The following TTN variants were observed in gnomAD, a reference collection of about 807,000 sequenced individuals.
TTN encodes the protein connectin.
TTN carries 1,525 observed loss-of-function variants against 3,223.0 expected under a neutral mutation model. The ratio of observed to expected loss-of-function variants is 0.47; its 90% confidence interval spans 0.45 to 0.49. TTN has a LOEUF of 0.49. TTN is among the 20% of genes least tolerant of loss of function. The pLI is 0.00. For missense variants in TTN, 40,786 were observed against 43,424.0 expected (o/e 0.94, Z 5.40); for synonymous variants, 14,094 against 15,161.0 (o/e 0.93, Z 5.17).
At chr2:178,699,560 C>A (rs1180961528) in intron 111 of TTN, among the ~76,000 whole-genome samples, 1 of 144,610 alleles carries the variant, frequency 6.9e-6, no homozygotes, top group African/African-American at 2.5e-5. Context: ...TACAGGCGCC[C>A]GCCACCGCGC....
Position 178,572,532 on chromosome 2 carries a change from T to A in TTN, c.73600A>T (p.Thr24534Ser), listed in dbSNP as rs767625831. Residue 24534 changes from threonine (T) to serine (S), a missense_variant, in exon 326 of 363, where the codon ACA becomes TCA. Coordinates refer to ENST00000589042, the MANE Select transcript of TTN (RefSeq NM_001267550.2). Reference sequence around the variant, plus strand: ...GGGTCCCATGTGAGTGTGACAGATGTCTTAGTGACCTCTTTTACCTTCAGA... The same window carrying A: ...GGGTCCCATGTGAGTGTGACAGATGACTTAGTGACCTCTTTTACCTTCAGA... ...QDLKVKEVTK[T>S]SVTLTWDPPL... 1.9e-6 allele frequency: 3 copies of A among 1,613,466 alleles called. No homozygotes were observed. The South Asian group carries it at 3.3e-5, about 18-fold the overall frequency.
chr2:178,664,010 A>G lies in TTN; in HGVS notation c.36364+5T>C. ...CTTCTGAAGCCTAAAGTCAGTGACA[A>G]ATACCTTTAACAGGTGGGACTTCAG... On this transcript the variant is annotated splice_donor_5th_base_variant and intron_variant, in intron 169 of 362. Transcript: ENST00000589042. 4 of 1,613,250 alleles carry G rather than the reference A, an allele frequency of 2.5e-6. No individual in the cohort carries two copies. The highest frequency in any genetic ancestry group is 3.4e-6 in the Non-Finnish European group (4 of 1,179,692).
chr2:178,576,822 C>T lies in TTN; in HGVS notation c.69422G>A (p.Gly23141Asp). 6.2e-7 allele frequency: 1 copy of T among 1,606,716 alleles called. No homozygotes were observed. Among genetic ancestry groups the T allele is most frequent in the Non-Finnish European group, 8.5e-7 (1 of 1,178,046 alleles). The change falls in exon 325 of 363, where the codon GGC becomes GAC. Residue 23141 changes from glycine (G) to aspartate (D), a missense_variant. Coordinates refer to ENST00000589042, the MANE Select transcript of TTN (RefSeq NM_001267550.2). The surrounding 1 kb of genome is among the most constrained non-coding windows in gnomAD (Gnocchi z 4.3). ...TGATACCTCTGGTTTTTCAGGAGGG[C>T]CAGGGGGACCTGAAAAGGAAGCAAA... ...VKMVDRFGPP[G>D]PPEKPEVSNV...
chr2:178,748,285 T>G (rs767463181), intron 47 of TTN: 2 of 1,612,894 alleles, frequency 1.2e-6, no homozygotes, highest in Admixed American at 3.3e-5. Context: ...CCTGTACATG[T>G]CGGACTTCTT....
intron 240 of TTN, among the ~76,000 whole-genome samples, chr2:178,626,180 A>G (rs1473001016): frequency 6.6e-6 from 1 of 152,012 alleles, no homozygotes; most frequent in Non-Finnish European, 1.5e-5. Flanking sequence ...ACAACAAGCT[A>G]TAACTCTTCT....
chr2:178,684,489 AT>A, intron 131 of TTN, 76 bp from the exon 132 acceptor site: 1 of 1,482,972 alleles, frequency 6.7e-7, no homozygotes, highest in Non-Finnish European at 9.3e-7. Context: ...AAGTACTGTG[AT>A]TTTAGAATAG....
At position 178,717,528 on chromosome 2, in the gene TTN, A is replaced by G. The variant is rs756148326; in HGVS notation, c.25346T>C (p.Leu8449Pro). The G allele has an allele frequency of 6.3e-7, 1 of 1,599,592 alleles. No homozygotes were observed. Among genetic ancestry groups the G allele is most frequent in the Non-Finnish European group, 8.5e-7 (1 of 1,171,850 alleles). Residue 8449 changes from leucine to proline, a missense_variant, in exon 87 of 363, where the codon CTC becomes CCC. Physicochemically the swap from Leu to Pro is moderately conservative, Grantham distance 98. Coordinates refer to ENST00000589042, the MANE Select transcript of TTN (RefSeq NM_001267550.2). Reference sequence around the variant, plus strand: ...GGGTACTGTGAGTTACTCACCTGAGAGAATGAGCTTGGCACTGGATGAAGC... The same window carrying G: ...GGGTACTGTGAGTTACTCACCTGAGGGAATGAGCTTGGCACTGGATGAAGC... ...GTASSSAKLI[L>P]SEHEVPPFFD...
At chr2:178,633,112 A>G (rs1207282268) in intron 233 of TTN, 68 bp from the exon 234 acceptor site, 8 of 1,599,254 alleles carry the variant, frequency 5.0e-6, no homozygotes, top group Admixed American at 3.4e-5. Context: ...CAAATCATCA[A>G]GATATTTTAT....
At chr2:178,782,460 G>A (rs371827560) in intron 19 of TTN, 33 bp from the exon 20 acceptor site, 55 of 1,613,792 alleles carry the variant, frequency 3.4e-5, no homozygotes, top group East Asian at 2.5e-4. Context: ...ATTAGCTTCC[G>A]GGTTGCAATT....
Position 178,531,648 on chromosome 2 carries a change from A to G in TTN, c.104967T>C (p.His34989=), listed in dbSNP as rs754129150. The G allele has an allele frequency of 1.9e-6, 3 of 1,613,876 alleles. No homozygotes were observed. In the East Asian group the frequency reaches 6.7e-5, roughly 36 times the overall value. Residue 34989 remains histidine, a synonymous_variant, in exon 358 of 363, where the codon CAT becomes CAC. Coordinates refer to ENST00000589042, the MANE Select transcript of TTN (RefSeq NM_001267550.2). ...TGAGGACTCCACTCGTGTTGGTGTAATGAATCTTACTGCTTTCTTGGAGTT... is the reference window on the plus strand; with the variant it reads ...TGAGGACTCCACTCGTGTTGGTGTAGTGAATCTTACTGCTTTCTTGGAGTT... ...GVELQESSKI[H]YTNTSGVLTL... is the part of the protein sequence containing the mutation.
chr2:178,544,477 C>T lies in TTN; in HGVS notation c.95752G>A (p.Val31918Ile). The T allele has an allele frequency of 6.2e-7, 1 of 1,607,354 alleles. No individual in the cohort carries two copies. ...YTPGPPSAPRVVDTTKHSISL... is the reference protein window; with the variant it reads ...YTPGPPSAPRIVDTTKHSISL... ...ATGCTGTGTTTGGTGGTATCCACAA[C>T]TCTTGGAGCAGAAGGTGGTCCAGGG... Residue 31918 changes from valine (V) to isoleucine (I), a missense_variant, in exon 345 of 363, where the codon GTT (valine) becomes ATT (isoleucine). Val to Ile is a conservative substitution (Grantham distance 29). Transcript: ENST00000589042.
rs768478889 is a variant in TTN at position 178,779,084 on chromosome 2, T to G, written c.3998A>C (p.His1333Pro). Reference sequence around the variant, plus strand: ...AAAGTCCATTTGGTATCTTTCTCCATGTTTGATGCGCTTGCCATCTTTGTA... The same window carrying G: ...AAAGTCCATTTGGTATCTTTCTCCAGGTTTGATGCGCTTGCCATCTTTGTA... ...AWYKDGKRIK[H>P]GERYQMDFLQ... The change falls in exon 24 of 363, where the codon CAT (histidine) becomes CCT (proline). Residue 1333 changes from histidine to proline, a missense_variant. By Grantham distance (77) the His-to-Pro change is moderately conservative. Coordinates refer to ENST00000589042, the MANE Select transcript of TTN (RefSeq NM_001267550.2). 2 of 1,613,964 alleles carry G rather than the reference T, an allele frequency of 1.2e-6. No homozygotes were observed. The highest frequency in any genetic ancestry group is 2.7e-5 in the African/African-American group (2 of 75,058).
rs774451230 is a variant in TTN at position 178,564,243 on chromosome 2, C to T, written c.81889G>A (p.Ala27297Thr). Reference protein sequence around the residue: ...VHAGETFVLEADIRGKPIPDV... With the variant: ...VHAGETFVLETDIRGKPIPDV... Reference sequence around the variant, plus strand: ...GGTATAGGTTTGCCACGGATGTCGGCTTCAAGAACAAAAGTCTCTCCTGCA... The same window carrying T: ...GGTATAGGTTTGCCACGGATGTCGGTTTCAAGAACAAAAGTCTCTCCTGCA... Residue 27297 changes from alanine to threonine, a missense_variant, in exon 326 of 363, where the codon GCC becomes ACC. Ala to Thr is a moderately conservative substitution (Grantham distance 58). Coordinates refer to ENST00000589042, the MANE Select transcript of TTN (RefSeq NM_001267550.2). 30 of 1,613,150 alleles carry T rather than the reference C, an allele frequency of 1.9e-5. No individual in the cohort carries two copies. Among genetic ancestry groups the T allele is most frequent in the Non-Finnish European group, 2.5e-5 (30 of 1,179,786 alleles).
chr2:178,705,000 G>T (rs1577712339), intron 103 of TTN, 34 bp from the exon 104 acceptor site: 1 of 1,607,484 alleles, frequency 6.2e-7, no homozygotes, highest in Non-Finnish European at 8.5e-7. Context: ...CATTACAGAT[G>T]AAACAAAATT....
rs1415760093 is a variant in TTN, at chr2:178,560,972, G to A, written c.85160C>T (p.Pro28387Leu). Reference sequence around the variant, plus strand: ...ACCATCCTTGGCCCAGGAAATTACTGGCAGAGGTCGCCCTGCAATGTCTGC... The same window carrying A: ...ACCATCCTTGGCCCAGGAAATTACTAGCAGAGGTCGCCCTGCAATGTCTGC... The part of the protein sequence containing the change: ...INADIAGRPL[P>L]VISWAKDGIE... Residue 28387 changes from proline to leucine, a missense_variant, in exon 326 of 363, where the codon CCA becomes CTA. Physicochemically the swap from Pro to Leu is moderately conservative, Grantham distance 98. Coordinates refer to ENST00000589042, the MANE Select transcript of TTN (RefSeq NM_001267550.2). 3.1e-6 allele frequency: 5 copies of A among 1,613,610 alleles called. No homozygotes were observed. The highest frequency in any genetic ancestry group is 3.4e-6 in the Non-Finnish European group (4 of 1,179,808).
In TTN at chr2:178,577,549, GA is replaced by G. The variant is rs2046709001; in HGVS notation, c.68825-40del. ...AATACATTTTAATCAGAAAAGGAAG[GA>G]GGCTTAATTTGCTTTAAAAAAAAAA... On this transcript the variant is annotated intron_variant, in intron 323 of 362. Coordinates refer to ENST00000589042, the MANE Select transcript of TTN (RefSeq NM_001267550.2). 4 of 1,552,916 alleles carry G rather than the reference GA, an allele frequency of 2.6e-6. No individual in the cohort carries two copies. In the African/African-American group the frequency reaches 5.5e-5, roughly 21 times the overall value.
At chr2:178,556,487 G>C (rs985847869) in intron 330 of TTN, 3 of 252,538 alleles carry the variant, frequency 1.2e-5, no homozygotes, top group Non-Finnish European at 7.5e-6. Context: ...TGAAGTCTCT[G>C]TTTAGTCTGT....
rs794729485 is a variant in TTN, at chr2:178,577,136, C to A, written c.69199G>T (p.Asp23067Tyr). 9 of 1,613,076 alleles carry A rather than the reference C, an allele frequency of 5.6e-6. No individual in the cohort carries two copies. Among genetic ancestry groups the A allele is most frequent in the Non-Finnish European group, 7.6e-6 (9 of 1,179,524 alleles). The change falls in exon 324 of 363, where the codon GAT becomes TAT. Residue 23067 changes from aspartate to tyrosine, a missense_variant. Physicochemically the swap from Asp to Tyr is radical, Grantham distance 160 (BLOSUM62 -3). Coordinates refer to ENST00000589042, the MANE Select transcript of TTN (RefSeq NM_001267550.2). ...TAGGACTTAATTGGTGAGCCGCCAT[C>A]TTCCAAGGGAGGTGTCCATGTAAGT... ...ATLTWTPPLE[D>Y]GGSPIKSYIL...
Position 178,685,518 on chromosome 2 carries a change from C to T in TTN, c.32392G>A (p.Val10798Met), listed in dbSNP as rs764015733. ...SKRVEAEPAE[V>M]TERQEKKIVL... ...AAAACTAATTAAAGAGTCAGCATAC[C>T]TTCAGCTGGCTCAGCTTCCACTCTC... Residue 10798 changes from valine to methionine, a missense_variant and splice_region_variant, in exon 128 of 363, where the codon GTG becomes ATG. Val to Met is a conservative substitution (Grantham distance 21). Transcript: ENST00000589042. 9 of 1,611,538 alleles carry T rather than the reference C, an allele frequency of 5.6e-6. No homozygotes were observed. Among genetic ancestry groups the T allele is most frequent in the Admixed American group, 1.7e-5 (1 of 59,816 alleles).
Sources: allele counts gnomAD v4.1 joint callset (sites outside exome capture counted in the v4.1 genomes callset), GRCh38; gene constraint gnomAD v4.1.1; non-coding constraint Gnocchi (gnomAD v3.1); transcripts MANE v1.5; gene names NCBI Gene and HGNC (gene_info 2026-07-23, HGNC 2026-07-21).